Variants in FADS6 observed in about 807,000 individuals in gnomAD.
FADS6 encodes fatty acid desaturase domain family, member 6.
Under a neutral mutation model 31.7 loss-of-function variants are expected in FADS6, and 28 were observed. That is an observed-to-expected ratio of 0.88 (90% CI 0.66 to 1.21). FADS6 has a LOEUF of 1.21. FADS6 is among the 50% of genes most tolerant of loss of function. The pLI is 0.00. For synonymous variants in FADS6, 191 were observed against 213.1 expected (o/e 0.90, Z 0.90); for missense variants, 494 against 504.2 (o/e 0.98, Z 0.19).
rs1226587404 is a variant in FADS6, at chr17:74,877,655, ACT to A, written c.*674_*675del. The A allele has an allele frequency of 1.0e-6, 1 of 980,806 alleles. No individual in the cohort carries two copies. The highest frequency in any genetic ancestry group is 1.2e-6 in the Non-Finnish European group (1 of 826,100). The allele number at this position is 980,806 out of a possible 1,614,324, so 60.8% of individuals were successfully genotyped here. ...GCTGGCTATTTATACTCTTTCCCTA[ACT>A]CTGTCCCTGGGGAACCTTCTCCCCT... On this transcript the variant is annotated 3_prime_UTR_variant, in exon 6 of 6. Coordinates refer to ENST00000612771, the MANE Select transcript of FADS6 (RefSeq NM_178128.6).
In FADS6 at chr17:74,878,327, C is replaced by T. The variant is rs2038528402; in HGVS notation, c.*4G>A. The stretch of plus-strand genomic sequence containing the variant: ...GGCAGGGTGGCTGCACCGGCCCGGC[C>T]TCATTACAGCCCCACAAGCTCAGTG... On this transcript the variant is annotated 3_prime_UTR_variant, in exon 6 of 6. Transcript: ENST00000612771. The T allele has an allele frequency of 6.2e-7, 1 of 1,612,510 alleles. No homozygotes were observed. Among genetic ancestry groups the T allele is most frequent in the Non-Finnish European group, 8.5e-7 (1 of 1,179,306 alleles).
rs1416978594 is a variant in FADS6, at chr17:74,879,438, A to C, written c.926T>G (p.Leu309Arg). The C allele has an allele frequency of 3.7e-6, 6 of 1,613,838 alleles. No individual in the cohort carries two copies. The African/African-American group carries it at 8.0e-5, about 22-fold the overall frequency. The part of the protein sequence containing the change: ...SIISCHVEHH[L>R]FPRLSDNMCL... ...CATGTTATCAGAGAGCCTGGGGAATAGATGGTGTTCCACATGGCAGCTGAT... is the reference window on the plus strand; with the variant it reads ...CATGTTATCAGAGAGCCTGGGGAATCGATGGTGTTCCACATGGCAGCTGAT... The change falls in exon 5 of 6, where the codon CTA (leucine) becomes CGA (arginine). Residue 309 changes from leucine to arginine, a missense_variant. This residue lies in a region of FADS6 where 454 missense variants were observed against 438.5 expected (regional missense o/e 1.04). Transcript: ENST00000612771.
chr17:74,888,154 ACGCGCGCGCG>A (rs67402175), intron 2 of FADS6, among the ~76,000 whole-genome samples: 1 of 134,740 alleles, frequency 7.4e-6, no homozygotes, highest in Non-Finnish European at 1.6e-5. Context: ...ACACACACAC[ACGCGCGCGCG>A]CGCGCGCGCA....
chr17:74,875,193 T>TCTCCAGGACTTTTTTTCA (rs1381780421), downstream of FADS6, among the ~76,000 whole-genome samples: 1 of 152,160 alleles, frequency 6.6e-6, no homozygotes, highest in Non-Finnish European at 1.5e-5. Flanking sequence ...AAATTTAATC[T>TCTCCAGGACTTTTTTTCA]CTCCAGGACT....
chr17:74,888,906 T>C (rs1435174082), intron 2 of FADS6, among the ~76,000 whole-genome samples: 2 of 152,198 alleles, frequency 1.3e-5, no homozygotes, highest in Admixed American at 6.5e-5. Context: ...TGGCAGTCCC[T>C]GAGAATACGC....
Position 74,877,320 on chromosome 17 carries a change from G to A in FADS6, c.*1011C>T, listed in dbSNP as rs1448657542. ...TTTATTCTTTTTTTTTTTTTTGAAC[G>A]GGAGTCTTATTTTTTATTTTTTTAT... On this transcript the variant is annotated 3_prime_UTR_variant, in exon 6 of 6. Coordinates refer to ENST00000612771, the MANE Select transcript of FADS6 (RefSeq NM_178128.6). 1 of 150,156 alleles carries A rather than the reference G, an allele frequency of 6.7e-6. No homozygotes were observed. The highest frequency in any genetic ancestry group is 2.5e-5 in the African/African-American group (1 of 40,788). The allele number at this position is 150,156 out of a possible 1,614,324, so 9.3% of individuals were successfully genotyped here. A position where few individuals can be genotyped will look rare whatever the true frequency, so the allele number is the denominator to read the frequency against.
chr17:74,874,931 G>A (rs2038497323), downstream of FADS6, among the ~76,000 whole-genome samples: 1 of 152,118 alleles, frequency 6.6e-6, no homozygotes, highest in African/African-American at 2.4e-5. Flanking sequence ...TTTACTATCT[G>A]GTCCTTTACA....
chr17:74,886,250 A>C (rs2038621361), intron 2 of FADS6, among the ~76,000 whole-genome samples: 1 of 150,436 alleles, frequency 6.6e-6, no homozygotes, highest in East Asian at 1.9e-4. Flanking sequence ...AAAAAAAAAA[A>C]AAAAAAGAGT....
intron 1 of FADS6, among the ~76,000 whole-genome samples, chr17:74,893,123 C>CTCCCTCCTCCTGCGTCCCG (rs1157439791): frequency 1.3e-5 from 2 of 152,012 alleles, no homozygotes; most frequent in African/African-American, 4.8e-5. Context: ...TCCTGCGCCC[C>CTCCCTCCTCCTGCGTCCCG]CTCCTAGGGT....
Position 74,892,661 on chromosome 17 carries a change from G to T in FADS6, c.273C>A (p.Ala91=). 1.2e-6 allele frequency: 2 copies of T among 1,613,102 alleles called. No individual in the cohort carries two copies. Among genetic ancestry groups the T allele is most frequent in the African/African-American group, 1.3e-5 (1 of 75,058 alleles). Reference sequence around the variant, plus strand: ...TGGTGATGCCGGATGCAAAGACCAGGGCATTCTCCCAGCGCAGGCACAGGA... The same window carrying T: ...TGGTGATGCCGGATGCAAAGACCAGTGCATTCTCCCAGCGCAGGCACAGGA... ...AGFLCLRWEN[A]LVFASGITIL... The change falls in exon 2 of 6, where the codon GCC becomes GCA. Residue 91 remains alanine, a synonymous_variant. Coordinates refer to ENST00000612771, the MANE Select transcript of FADS6 (RefSeq NM_178128.6).
intron 2 of FADS6, among the ~76,000 whole-genome samples, chr17:74,889,776 C>T (rs900118200): frequency 6.0e-5 from 8 of 133,512 alleles, no homozygotes; most frequent in Admixed American, 1.7e-4. Flanking sequence ...GAGGCTGAGG[C>T]GGGAGAATCA....
chr17:74,892,387 A>G, intron 2 of FADS6, 136 bp downstream of exon 2: 1 of 1,066,302 alleles, frequency 9.4e-7, no homozygotes, highest in Non-Finnish European at 1.3e-6. Context: ...GCACCAGTGG[A>G]CCGGCATACC....
chr17:74,891,498 T>A (rs1359725969), intron 2 of FADS6, among the ~76,000 whole-genome samples: 1 of 151,964 alleles, frequency 6.6e-6, no homozygotes, highest in Non-Finnish European at 1.5e-5. Flanking sequence ...GCCTGGCCCG[T>A]GTCTTAGAGT....
chr17:74,878,100 T>C lies in FADS6; in HGVS notation c.*231A>G. ...TTGCTGAGGTCCAGACTGACCAGAA[T>C]GCACAGCCACCATTACCGCTTCACC... On this transcript the variant is annotated 3_prime_UTR_variant, in exon 6 of 6. Coordinates refer to ENST00000612771, the MANE Select transcript of FADS6 (RefSeq NM_178128.6). The C allele has an allele frequency of 7.2e-7, 1 of 1,389,096 alleles. No homozygotes were observed. The highest frequency in any genetic ancestry group is 9.3e-7 in the Non-Finnish European group (1 of 1,072,570). The allele number at this position is 1,389,096 out of a possible 1,614,324, so 86.0% of individuals were successfully genotyped here. A position where few individuals can be genotyped will look rare whatever the true frequency, so the allele number is the denominator to read the frequency against.
chr17:74,886,244 A>G, intron 2 of FADS6, among the ~76,000 whole-genome samples: 1 of 149,914 alleles, frequency 6.7e-6, no homozygotes, highest in African/African-American at 2.5e-5. Flanking sequence ...ATCTCAAAAA[A>G]AAAAAAAAAA....
chr17:74,888,162 G>GCA lies in FADS6; in HGVS notation c.411+4360_411+4361insTG, dbSNP rs1555625281. ...CACACACACACACACACACGCGCGC[G>GCA]CGCGCGCGCGCAGAGTACCAATGTC... On this transcript the variant is annotated intron_variant, in intron 2 of 5. Coordinates refer to ENST00000612771, the MANE Select transcript of FADS6 (RefSeq NM_178128.6). Among the ~76,000 whole-genome samples, 9 of 138,862 alleles carry GCA rather than the reference G, an allele frequency of 6.5e-5. 1 individual carries two copies. The highest frequency in any genetic ancestry group is 1.4e-4 in the Admixed American group (2 of 14,084). 91.1% of individuals were successfully genotyped at this position (138,862 alleles called of 152,430 possible). A position where few individuals can be genotyped will look rare whatever the true frequency, so the allele number is the denominator to read the frequency against.
chr17:74,882,089 C>A (rs1453986302), intron 3 of FADS6, among the ~76,000 whole-genome samples: 1 of 152,118 alleles, frequency 6.6e-6, no homozygotes, highest in African/African-American at 2.4e-5. Flanking sequence ...GCGCCCACCA[C>A]CACGCCCAGC....
chr17:74,888,155 C>CGG (rs1491239126), intron 2 of FADS6, among the ~76,000 whole-genome samples: 27 of 86,312 alleles, frequency 3.1e-4, no homozygotes, highest in South Asian at 8.4e-4. Flanking sequence ...CACACACACA[C>CGG]GCGCGCGCGC....
chr17:74,888,085 C>T (rs1040490095), intron 2 of FADS6, among the ~76,000 whole-genome samples: 125 of 151,760 alleles, frequency 8.2e-4, no homozygotes, highest in African/African-American at 2.9e-3. Context: ...CAGTTATGTC[C>T]CCAGCATCTA....
Sources: gnomAD v4.1 joint callset for allele counts (sites outside exome capture counted in the v4.1 genomes callset) on GRCh38, gnomAD v4.1.1 for gene constraint, gnomAD v4.1.1 regional missense constraint, MANE v1.5 for transcripts, NCBI Gene and HGNC (gene_info 2026-07-23, HGNC 2026-07-21) for gene names.